Variants in CAST observed in about 807,000 individuals in gnomAD.
CAST encodes MIR583 host.
In CAST, 76 loss-of-function variants were observed where a neutral mutation model predicts 119.6. That is an observed-to-expected ratio of 0.64 (90% CI 0.53 to 0.77). The LOEUF (loss-of-function observed/expected upper bound fraction) is 0.77, where lower values mean the gene tolerates loss of function less well. Among genes scored for constraint, CAST ranks in the 30% least tolerant of loss-of-function variants. CAST has a pLI of 0.00. For synonymous variants in CAST, 319 were observed against 331.6 expected (o/e 0.96, Z 0.41); for missense variants, 953 against 946.5 (o/e 1.01, Z -0.09).
At chr5:96,587,245 C>A (rs189251064) in intron 1 of CAST, among the ~76,000 whole-genome samples, 1 of 152,188 alleles carries the variant, frequency 6.6e-6, no homozygotes, top group Non-Finnish European at 1.5e-5. Flanking sequence ...CCATTACAGC[C>A]GCTCAGACCT....
intron 1 of CAST, among the ~76,000 whole-genome samples, chr5:96,533,744 C>G (rs559729022): frequency 6.6e-6 from 1 of 152,288 alleles, no homozygotes; most frequent in East Asian, 1.9e-4. Flanking sequence ...AATCCTGACT[C>G]TTGAATATAT....
chr5:96,700,644 CA>C (rs1252626016), intron 3 of CAST, among the ~76,000 whole-genome samples: 1 of 152,104 alleles, frequency 6.6e-6, no homozygotes, highest in Non-Finnish European at 1.5e-5. Flanking sequence ...TTAGGCTACC[CA>C]TAACCTAAAC....
the CAST span, among the ~76,000 whole-genome samples, chr5:95,999,405 C>A: frequency 6.6e-6 from 1 of 152,146 alleles, no homozygotes; most frequent in Admixed American, 6.6e-5. Flanking sequence ...GCTAGATTTG[C>A]TTGGTGTGAT....
At chr5:95,961,658 G>T in the CAST span, 2 of 1,610,252 alleles carry the variant, frequency 1.2e-6, no homozygotes, top group Admixed American at 1.7e-5. Context: ...TCCTGCCCCA[G>T]CCGTCCGCAC....
chr5:96,661,803 C>T (rs114643311), upstream of CAST, among the ~76,000 whole-genome samples: 6,542 of 152,296 alleles, frequency 0.043, 183 homozygotes, highest in Middle Eastern at 0.092. Flanking sequence ...TATTAAAATT[C>T]GAAACTGCCA....
intron 1 of CAST, among the ~76,000 whole-genome samples, chr5:96,559,155 C>G (rs188828802): frequency 0.015 from 2,311 of 152,206 alleles, 28 homozygotes; most frequent in Non-Finnish European, 0.023. Flanking sequence ...CAAAATTCAA[C>G]AACCCTTCAT....
the CAST span, among the ~76,000 whole-genome samples, chr5:96,237,377 G>T: frequency 6.6e-6 from 1 of 152,094 alleles, no homozygotes; most frequent in African/African-American, 2.4e-5. Flanking sequence ...GCCTTTTTTG[G>T]GGGGAGTAGG....
At chr5:96,199,090 A>T in the CAST span, among the ~76,000 whole-genome samples, 2 of 152,152 alleles carry the variant, frequency 1.3e-5, no homozygotes, top group Admixed American at 6.5e-5. Context: ...CATTATTCTC[A>T]TGGGTTATGT....
chr5:96,572,841 G>A (rs1746594149), intron 1 of CAST, among the ~76,000 whole-genome samples: 1 of 152,234 alleles, frequency 6.6e-6, no homozygotes, highest in Admixed American at 6.5e-5. Flanking sequence ...GGAGCTAGCT[G>A]TGTGTTTGTC....
At chr5:96,013,758 C>T in the CAST span, among the ~76,000 whole-genome samples, 7 of 151,964 alleles carry the variant, frequency 4.6e-5, no homozygotes, top group Non-Finnish European at 2.9e-5. Context: ...ATTTGTATAC[C>T]TAAACATAAA....
At chr5:96,747,307 T>G in intron 17 of CAST, 38 bp from the exon 18 acceptor site, 1 of 1,402,852 alleles carries the variant, frequency 7.1e-7, no homozygotes, top group Non-Finnish European at 1.0e-6. Context: ...AGCAAAATTT[T>G]CTATTTCATT....
the CAST span, among the ~76,000 whole-genome samples, chr5:96,260,141 C>A: frequency 1.3e-5 from 2 of 151,948 alleles, no homozygotes; most frequent in Non-Finnish European, 2.9e-5. Context: ...TTAGTGTGAA[C>A]TAGGGTTTAA....
At chr5:96,012,558 T>C in the CAST span, among the ~76,000 whole-genome samples, 1 of 152,206 alleles carries the variant, frequency 6.6e-6, no homozygotes, top group Non-Finnish European at 1.5e-5. Context: ...TCATGATCCA[T>C]ATAGGCAGTG....
At chr5:96,444,087 G>T in the CAST span, among the ~76,000 whole-genome samples, 2 of 152,218 alleles carry the variant, frequency 1.3e-5, no homozygotes, top group East Asian at 3.8e-4. Context: ...TGAATCAGAG[G>T]TGTCACAGAA....
rs112225889 is a variant in CAST, at chr5:96,706,075, C to A, written c.210+10168C>A. ...TCATGTCTTCCACATAGTAATTGCTCAATATTTATTGGATTGGAAAAAAGA... is the reference window on the plus strand; with the variant it reads ...TCATGTCTTCCACATAGTAATTGCTAAATATTTATTGGATTGGAAAAAAGA... On this transcript the variant is annotated intron_variant, in intron 3 of 31. Coordinates refer to ENST00000675179, the MANE Select transcript of CAST (RefSeq NM_001750.7). Among the ~76,000 whole-genome samples, 592 of 152,142 alleles carry A rather than the reference C, an allele frequency of 3.9e-3. 10 individuals are homozygous for A. The highest frequency in any genetic ancestry group is 0.033 in the South Asian group (158 of 4,808).
At chr5:96,514,725 TCTTG>T in the CAST span, among the ~76,000 whole-genome samples, 1 of 152,018 alleles carries the variant, frequency 6.6e-6, no homozygotes, top group African/African-American at 2.4e-5. Context: ...TGCTATTTCC[TCTTG>T]CTTGTTTGTT....
chr5:96,608,118 C>A (rs1190447046), intron 1 of CAST, among the ~76,000 whole-genome samples: 1 of 152,194 alleles, frequency 6.6e-6, no homozygotes, highest in Non-Finnish European at 1.5e-5. Context: ...CCTGTCCACA[C>A]CCTTCCCCCA....
the CAST span, among the ~76,000 whole-genome samples, chr5:96,074,701 G>A: frequency 6.6e-6 from 1 of 152,162 alleles, no homozygotes; most frequent in Non-Finnish European, 1.5e-5. Context: ...GTAGTACCTT[G>A]GCTCTGAGAT....
intron 3 of CAST, among the ~76,000 whole-genome samples, chr5:96,710,703 A>T (rs778821884): frequency 1.3e-5 from 2 of 152,148 alleles, no homozygotes; most frequent in African/African-American, 2.4e-5. Flanking sequence ...ATTCCTGCCT[A>T]TTCTACATAT....
Sources: gnomAD v4.1 joint callset for allele counts (sites outside exome capture counted in the v4.1 genomes callset) on GRCh38, gnomAD v4.1.1 for gene constraint, MANE v1.5 for transcripts, NCBI Gene and HGNC (gene_info 2026-07-23, HGNC 2026-07-21) for gene names.